PLK4: variants seen among roughly 807,000 people sequenced by gnomAD.
PLK4 encodes the protein serine/threonine-protein kinase PLK4.
Under a neutral mutation model 103.0 loss-of-function variants are expected in PLK4, and 51 were observed. The observed-to-expected ratio is 0.50, with a 90% CI of 0.40 to 0.63. The LOEUF is 0.63. PLK4 is among the 20% of genes least tolerant of loss of function. PLK4 has a pLI of 0.00. For missense variants in PLK4, 1,054 were observed against 1,151.0 expected, an observed-to-expected ratio of 0.92 and a Z score of 1.22; for synonymous variants, 389 against 376.8, an observed-to-expected ratio of 1.03 and a Z score of -0.38.
At chr4:127,892,327 C>T (rs1735391196) in intron 9 of PLK4, 38 bp from the exon 10 acceptor site, 2 of 1,360,094 alleles carry the variant, frequency 1.5e-6, no homozygotes, top group African/African-American at 1.5e-5. Context: ...GTCAGGTCAA[C>T]ACTTTCTTCC....
Position 127,894,938 on chromosome 4 carries a change from C to A in PLK4, c.2563-15C>A, listed in dbSNP as rs375285174. The stretch of plus-strand genomic sequence containing the variant: ...TGCTGAGGAATAATATCTTCCTGTC[C>A]TTTATTCTTTGTAGATGGTTACAAA... On this transcript the variant is annotated splice_polypyrimidine_tract_variant and intron_variant, in intron 13 of 15. Transcript: ENST00000270861. 2.0e-6 allele frequency: 3 copies of A among 1,520,948 alleles called. No individual in the cohort carries two copies. In the East Asian group the frequency reaches 7.3e-5, roughly 37 times the overall value. 94.2% of individuals were successfully genotyped at this position (1,520,948 alleles called of 1,614,324 possible).
chr4:127,890,642 A>G (rs982420822), intron 7 of PLK4, among the ~76,000 whole-genome samples: 3 of 152,030 alleles, frequency 2.0e-5, no homozygotes, highest in Admixed American at 1.3e-4. Flanking sequence ...TATAACTTTT[A>G]TTTTTTTAGC....
chr4:127,896,943 T>G (rs1735590161), intron 15 of PLK4, 36 bp downstream of exon 15: 2 of 1,062,038 alleles, frequency 1.9e-6, no homozygotes, highest in Non-Finnish European at 2.9e-6. Context: ...ATTCAGCCCT[T>G]TGCTATAATT....
chr4:127,883,522 G>C lies in PLK4; in HGVS notation c.306G>C (p.Lys102Asn). Residue 102 changes from lysine to asparagine, a missense_variant, in exon 4 of 16, where the codon AAG (lysine) becomes AAC (asparagine). By Grantham distance (94) the Lys-to-Asn change is moderately conservative (BLOSUM62 0). Around this residue, in one of 4 missense-constraint regions of PLK4, gnomAD observed 199 missense variants for 270.1 expected, o/e 0.74. Transcript: ENST00000270861. ...ATGGAGAAATGAACAGGTATCTAAA[G>C]AATAGAGTGAAACCCTTCTCAGAAA... ...CHNGEMNRYL[K>N]NRVKPFSENE... is the part of the protein sequence containing the mutation. The C allele has an allele frequency of 6.5e-7, 1 of 1,528,194 alleles. No individual in the cohort carries two copies. Among genetic ancestry groups the C allele is most frequent in the Non-Finnish European group, 9.1e-7 (1 of 1,103,718 alleles). The allele number at this position is 1,528,194 out of a possible 1,614,324, so 94.7% of individuals were successfully genotyped here.
At chr4:127,891,746 A>G in intron 9 of PLK4, 65 bp downstream of exon 9, 1 of 479,158 alleles carries the variant, frequency 2.1e-6, no homozygotes, top group South Asian at 6.2e-5. Flanking sequence ...TATAAACTCT[A>G]TATATAGATA....
At chr4:127,884,815 CT>C (rs1346148069) in intron 4 of PLK4, among the ~76,000 whole-genome samples, 2 of 152,154 alleles carry the variant, frequency 1.3e-5, no homozygotes, top group East Asian at 3.9e-4. Context: ...TGGTGCTCTC[CT>C]GTAATCCCAG....
At position 127,891,646 on chromosome 4, in the gene PLK4, A is replaced by G; in HGVS notation, c.2003A>G (p.Asp668Gly). Residue 668 changes from aspartate (D) to glycine (G), a missense_variant, in exon 9 of 16, where the codon GAC becomes GGC. Around this residue, in one of 4 missense-constraint regions of PLK4, gnomAD observed 680 missense variants for 660.3 expected, o/e 1.03. Transcript: ENST00000270861. Reference sequence around the variant, plus strand: ...GCTGATAGACCACCCTCACCTACTGACAACATCAGTAGGTACAGCTTTGAC... The same window carrying G: ...GCTGATAGACCACCCTCACCTACTGGCAACATCAGTAGGTACAGCTTTGAC... ...PLADRPPSPT[D>G]NISRYSFDNL... The G allele has an allele frequency of 6.5e-7, 1 of 1,542,742 alleles. No individual in the cohort carries two copies. The highest frequency in any genetic ancestry group is 2.3e-5 in the East Asian group (1 of 43,098).
chr4:127,893,749 T>C lies in PLK4; in HGVS notation c.2430T>C (p.Thr810=). The change falls in exon 13 of 16, where the codon ACT becomes ACC. Residue 810 remains threonine (T), a synonymous_variant. Transcript: ENST00000270861. The stretch of plus-strand genomic sequence containing the variant: ...TCCCCTTCAGAAAACCTGGTAGTAC[T>C]AGTTCACCTAAGGCCTTATCACCTC... ...PIIIGRKPGS[T]SSPKALSPPP... 1 of 1,608,992 alleles carries C rather than the reference T, an allele frequency of 6.2e-7. No individual in the cohort carries two copies. Among genetic ancestry groups the C allele is most frequent in the Non-Finnish European group, 8.5e-7 (1 of 1,175,912 alleles).
chr4:127,885,478 CAAAAAAAAAA>C (rs397878802), intron 4 of PLK4, among the ~76,000 whole-genome samples: 1 of 49,808 alleles, frequency 2.0e-5, no homozygotes, highest in East Asian at 4.9e-4. Flanking sequence ...GACTCCGTCT[CAAAAAAAAAA>C]AAAAAAAAAA....
chr4:127,881,681 A>C (rs1191299856), intron 1 of PLK4, 150 bp from the exon 2 acceptor site: 1 of 624,738 alleles, frequency 1.6e-6, no homozygotes, highest in African/African-American at 1.8e-5. Flanking sequence ...CATGCCTTCC[A>C]CCCTAGACAC....
At chr4:127,887,332 T>TA in intron 5 of PLK4, 64 bp from the exon 6 acceptor site, 1 of 836,374 alleles carries the variant, frequency 1.2e-6, no homozygotes, top group South Asian at 1.5e-5. Flanking sequence ...CTAATATTTT[T>TA]ACCTTAAAAA....
At chr4:127,891,017 TA>T in intron 7 of PLK4, 74 bp from the exon 8 acceptor site, 1 of 771,536 alleles carries the variant, frequency 1.3e-6, no homozygotes, top group Non-Finnish European at 2.1e-6. Flanking sequence ...TAAGTACTCC[TA>T]AGTATTATGT....
At position 127,886,337 on chromosome 4, in the gene PLK4, A is replaced by G; in HGVS notation, c.967A>G (p.Thr323Ala). Residue 323 changes from threonine (T) to alanine (A), a missense_variant, in exon 5 of 16, where the codon ACT becomes GCT. Around this residue, in one of 4 missense-constraint regions of PLK4, gnomAD observed 680 missense variants for 660.3 expected, o/e 1.03. Coordinates refer to ENST00000270861, the MANE Select transcript of PLK4 (RefSeq NM_014264.5). ...LIGQPLPNKM[T>A]VFPKNKSSTD... The stretch of plus-strand genomic sequence containing the variant: ...TGGTCAGCCACTCCCAAATAAAATG[A>G]CTGTATTTCCAAAGAATAAAAGTTC... 1 of 1,613,638 alleles carries G rather than the reference A, an allele frequency of 6.2e-7. No homozygotes were observed. Among genetic ancestry groups the G allele is most frequent in the Non-Finnish European group, 8.5e-7 (1 of 1,179,910 alleles).
chr4:127,891,062 T>C (rs758850789), intron 7 of PLK4, 30 bp from the exon 8 acceptor site: 12 of 1,226,778 alleles, frequency 9.8e-6, no homozygotes, highest in African/African-American at 1.5e-5. Context: ...AAAAGAATTA[T>C]TACTGATTTT....
Position 127,886,273 on chromosome 4 carries a change from T to A in PLK4, c.903T>A (p.Ser301Arg). The A allele has an allele frequency of 6.2e-7, 1 of 1,613,980 alleles. No individual in the cohort carries two copies. The highest frequency in any genetic ancestry group is 8.5e-7 in the Non-Finnish European group (1 of 1,179,850). ...STAITASSST[S>R]ISGSLFDKRR... Reference sequence around the variant, plus strand: ...CAATTACAGCTTCTTCCAGTACCAGTATAAGTGGTAGTTTATTTGACAAAA... The same window carrying A: ...CAATTACAGCTTCTTCCAGTACCAGAATAAGTGGTAGTTTATTTGACAAAA... The change falls in exon 5 of 16, where the codon AGT becomes AGA. Residue 301 changes from serine (S) to arginine (R), a missense_variant. This residue lies in a region of PLK4 where 680 missense variants were observed against 660.3 expected (regional missense o/e 1.03). Coordinates refer to ENST00000270861, the MANE Select transcript of PLK4 (RefSeq NM_014264.5).
At chr4:127,891,965 AGTTAT>A (rs939136156) in intron 9 of PLK4, 4 of 224,588 alleles carry the variant, frequency 1.8e-5, no homozygotes, top group African/African-American at 2.3e-5. Flanking sequence ...ATGTGGCTAT[AGTTAT>A]GTTAAAAAAA....
chr4:127,890,284 A>C, intron 7 of PLK4, 48 bp downstream of exon 7: 1 of 1,455,548 alleles, frequency 6.9e-7, no homozygotes, highest in Non-Finnish European at 9.3e-7. Context: ...TTACTTGAGA[A>C]TACAATTCTT....
chr4:127,895,217 A>G, intron 14 of PLK4, 124 bp downstream of exon 14: 1 of 629,544 alleles, frequency 1.6e-6, no homozygotes, highest in Non-Finnish European at 2.6e-6. Context: ...AAGTTTTTGT[A>G]CCTTTTAACA....
Position 127,881,143 on chromosome 4 carries a change from C to G in PLK4, c.9C>G (p.Thr3=), listed in dbSNP as rs149826509. The G allele has an allele frequency of 6.2e-7, 1 of 1,614,006 alleles. No individual in the cohort carries two copies. Among genetic ancestry groups the G allele is most frequent in the Non-Finnish European group, 8.5e-7 (1 of 1,180,024 alleles). Residue 3 remains threonine (T), a synonymous_variant, in exon 1 of 16, where the codon ACC becomes ACG. Coordinates refer to ENST00000270861, the MANE Select transcript of PLK4 (RefSeq NM_014264.5). MA[T]CIGEKIEDFK... ...GGCCAGAGCCTGGAAATATGGCGAC[C>G]TGCATCGGGGAGAAGATCGAGGTGA...
Sources: allele counts gnomAD v4.1 joint callset (sites outside exome capture counted in the v4.1 genomes callset), GRCh38; gene constraint gnomAD v4.1.1; regional missense constraint gnomAD v4.1.1; transcripts MANE v1.5; gene names NCBI Gene and HGNC (gene_info 2026-07-23, HGNC 2026-07-21).